MTUS2: variants seen among roughly 807,000 people sequenced by gnomAD.
MTUS2 encodes microtubule associated scaffold protein 2.
A neutral mutation model predicts 114.1 loss-of-function variants in MTUS2; 40 were observed. The observed-to-expected ratio is 0.35, with a 90% CI of 0.27 to 0.46. The LOEUF is 0.46. MTUS2 is among the 20% of genes least tolerant of loss of function. MTUS2 has a pLI of 1.00. For missense variants in MTUS2, 1,679 were observed against 1,705.4 expected (o/e 0.98, Z 0.27); for synonymous variants, 688 against 672.0 (o/e 1.02, Z -0.37).
At chr13:29,187,842 G>A (rs1355805853) in intron 5 of MTUS2, among the ~76,000 whole-genome samples, 1 of 152,144 alleles carries the variant, frequency 6.6e-6, no homozygotes, top group African/African-American at 2.4e-5. Flanking sequence ...AACATTCTGT[G>A]TTGATTTCTG....
chr13:29,200,252 T>G (rs1407218788), intron 5 of MTUS2, among the ~76,000 whole-genome samples: 14 of 152,076 alleles, frequency 9.2e-5, no homozygotes, highest in Non-Finnish European at 1.5e-5. Context: ...TTGTTTACTC[T>G]TGCTTCTCGA....
At chr13:29,049,855 A>G (rs1887808889) in intron 4 of MTUS2, among the ~76,000 whole-genome samples, 1 of 152,048 alleles carries the variant, frequency 6.6e-6, no homozygotes, top group African/African-American at 2.4e-5. Flanking sequence ...GTGTCAAGAG[A>G]CTCTAAAATA....
intron 12 of MTUS2, among the ~76,000 whole-genome samples, chr13:29,495,884 GTCTC>G (rs1258390683): frequency 9.9e-5 from 15 of 151,758 alleles, no homozygotes; most frequent in African/African-American, 3.6e-4. Context: ...CTCTGTCTTT[GTCTC>G]TCTTTTTCTC....
chr13:29,365,112 A>C (rs144330917), intron 8 of MTUS2, among the ~76,000 whole-genome samples: 52 of 152,340 alleles, frequency 3.4e-4, no homozygotes, highest in African/African-American at 1.1e-3. Flanking sequence ...TGATAAAAGA[A>C]CCATGAGCGT....
At chr13:29,428,957 G>C in intron 8 of MTUS2, 1 of 1,565,720 alleles carries the variant, frequency 6.4e-7, no homozygotes, top group South Asian at 1.1e-5. Flanking sequence ...AGAGAAAGCC[G>C]TGAGCCAGCC....
intron 4 of MTUS2, among the ~76,000 whole-genome samples, chr13:29,099,813 TATATTGACA>T (rs554246937): frequency 1.3e-4 from 20 of 152,352 alleles, no homozygotes; most frequent in Admixed American, 1.0e-3. Flanking sequence ...AGAGCATTTG[TATATTGACA>T]ATATTGTGAT....
intron 2 of MTUS2, among the ~76,000 whole-genome samples, chr13:28,950,159 T>G (rs1268130437): frequency 6.6e-6 from 1 of 152,226 alleles, no homozygotes; most frequent in Non-Finnish European, 1.5e-5. Context: ...GGGTACCCGG[T>G]GACATTTTAT....
intron 1 of MTUS2, among the ~76,000 whole-genome samples, chr13:28,832,789 CAA>C (rs1322442595): frequency 6.8e-6 from 1 of 147,352 alleles, no homozygotes; most frequent in Non-Finnish European, 1.5e-5. Flanking sequence ...TCAATAAAAA[CAA>C]AAAGTTGTCT....
intron 2 of MTUS2, among the ~76,000 whole-genome samples, chr13:28,996,767 C>A (rs185970322): frequency 6.6e-6 from 1 of 151,916 alleles, no homozygotes; most frequent in Non-Finnish European, 1.5e-5. Flanking sequence ...TTTTTTATTG[C>A]GTCTATTTGA....
rs144201114 is a variant in MTUS2 at position 29,401,300 on chromosome 13, G to A, written c.3118-38683G>A. Among the ~76,000 whole-genome samples the A allele has an allele frequency of 5.8e-4, 89 of 152,178 alleles. 1 individual carries two copies. The highest frequency in any genetic ancestry group is 2.1e-3 in the African/African-American group (88 of 41,520). On this transcript the variant is annotated intron_variant, in intron 8 of 15. Coordinates refer to ENST00000612955, the MANE Select transcript of MTUS2 (RefSeq NM_001033602.4). ...ATTACAGGTGTGAGCCACCATGCCC[G>A]GCCACAAATATTTTCTTTATAGATT...
intron 2 of MTUS2, among the ~76,000 whole-genome samples, chr13:28,961,827 C>T (rs1883342262): frequency 6.6e-6 from 1 of 152,028 alleles, no homozygotes; most frequent in Non-Finnish European, 1.5e-5. Flanking sequence ...TTCATGGTTG[C>T]ATAACATTCC....
intron 2 of MTUS2, among the ~76,000 whole-genome samples, chr13:29,011,798 G>A (rs7994188): frequency 0.5 from 76,562 of 152,084 alleles, 19,466 homozygotes; most frequent in South Asian, 0.72. Context: ...TTTAGTTGGA[G>A]GGTTTTGCAC....
At chr13:29,344,346 A>G (rs1868455030) in intron 7 of MTUS2, among the ~76,000 whole-genome samples, 1 of 152,104 alleles carries the variant, frequency 6.6e-6, no homozygotes, top group Non-Finnish European at 1.5e-5. Context: ...TTAGGTGTAT[A>G]TACATTTAGG....
intron 5 of MTUS2, among the ~76,000 whole-genome samples, chr13:29,241,309 C>T (rs1452376637): frequency 6.6e-6 from 1 of 152,162 alleles, no homozygotes; most frequent in East Asian, 1.9e-4. Context: ...AATCAAATGC[C>T]TGTCACAATA....
Position 28,900,126 on chromosome 13 carries a change from G to A in MTUS2, c.-243+60276G>A, listed in dbSNP as rs115558349. ...TGGCCTCGAACTCCTAACCTCAAGT[G>A]ATTTGCTCACCTCAGCCTCCCAAAG... On this transcript the variant is annotated intron_variant, in intron 2 of 15. Transcript: ENST00000612955. 3.6e-3 allele frequency among the ~76,000 whole-genome samples: 547 copies of A among 152,300 alleles called. 5 individuals are homozygous for A. The highest frequency in any genetic ancestry group is 0.013 in the African/African-American group (537 of 41,564).
At chr13:29,412,489 A>G (rs1408680727) in intron 8 of MTUS2, among the ~76,000 whole-genome samples, 1 of 152,142 alleles carries the variant, frequency 6.6e-6, no homozygotes, top group Non-Finnish European at 1.5e-5. Flanking sequence ...AGTCGTTTGC[A>G]TCTGTATTCA....
intron 5 of MTUS2, among the ~76,000 whole-genome samples, chr13:29,238,714 A>T (rs1276338219): frequency 1.3e-5 from 2 of 152,102 alleles, no homozygotes; most frequent in African/African-American, 2.4e-5. Flanking sequence ...TCAAATGTTA[A>T]TCTCCTTTGG....
At chr13:29,069,238 G>A (rs1888800320) in intron 4 of MTUS2, among the ~76,000 whole-genome samples, 1 of 152,184 alleles carries the variant, frequency 6.6e-6, no homozygotes, top group African/African-American at 2.4e-5. Flanking sequence ...TGTCTGCAAG[G>A]TGGAGACCCA....
At chr13:29,118,654 T>C (rs1789519403) in intron 5 of MTUS2, among the ~76,000 whole-genome samples, 1 of 152,166 alleles carries the variant, frequency 6.6e-6, no homozygotes, top group Non-Finnish European at 1.5e-5. Flanking sequence ...GTGTGAGTGA[T>C]CCCTGGAGAG....
Sources: allele counts gnomAD v4.1 joint callset (sites outside exome capture counted in the v4.1 genomes callset), GRCh38; gene constraint gnomAD v4.1.1; transcripts MANE v1.5; gene names NCBI Gene and HGNC (gene_info 2026-07-23, HGNC 2026-07-21).